Variants in TCF7L1 observed in about 807,000 individuals in gnomAD.
TCF7L1 encodes transcription factor 7 like 1, also known as transcription factor 7-like 1.
In TCF7L1, 18 loss-of-function variants were observed where a neutral mutation model predicts 63.7. That is an observed-to-expected ratio of 0.28 (90% confidence interval 0.20 to 0.42). TCF7L1 has a LOEUF of 0.42. TCF7L1 is among the 10% of genes least tolerant of loss of function. TCF7L1 has a pLI of 1.00. For synonymous variants in TCF7L1, 355 were observed against 340.9 expected (o/e 1.04, Z -0.46); for missense variants, 654 against 779.3 (o/e 0.84, Z 1.91).
chr2:85,138,793 A>C (rs528036688), intron 3 of TCF7L1, among the ~76,000 whole-genome samples: 4 of 152,322 alleles, frequency 2.6e-5, no homozygotes, highest in African/African-American at 9.6e-5. Context: ...AAACATACAC[A>C]CACACCCCCA....
intron 3 of TCF7L1, among the ~76,000 whole-genome samples, chr2:85,146,732 G>T (rs1414454771): frequency 6.6e-6 from 1 of 151,932 alleles, no homozygotes; most frequent in Non-Finnish European, 1.5e-5. Flanking sequence ...TTGATGTTCT[G>T]ACCTCAGGTG....
At chr2:85,261,838 G>GC (rs111393856) in intron 3 of TCF7L1, among the ~76,000 whole-genome samples, 314 of 152,302 alleles carry the variant, frequency 2.1e-3, no homozygotes, top group African/African-American at 7.3e-3. Flanking sequence ...CCATGTTCGT[G>GC]CCACTGCACT....
chr2:85,138,118 T>C (rs1466679489), intron 3 of TCF7L1, among the ~76,000 whole-genome samples: 3 of 152,174 alleles, frequency 2.0e-5, no homozygotes, highest in Non-Finnish European at 2.9e-5. Context: ...AGTCTGTGGT[T>C]TTTGTGTCCA....
chr2:85,202,420 T>G (rs574566671), intron 3 of TCF7L1, among the ~76,000 whole-genome samples: 30 of 152,224 alleles, frequency 2.0e-4, no homozygotes, highest in Non-Finnish European at 4.1e-4. Context: ...CTTTGTAGTA[T>G]TCTTTGAAGC....
At position 85,156,619 on chromosome 2, in the gene TCF7L1, T is replaced by C. The variant is rs183231104; in HGVS notation, c.441+22169T>C. Among the ~76,000 whole-genome samples, 209 of 152,324 alleles carry C rather than the reference T, an allele frequency of 1.4e-3. 1 individual carries two copies. Among genetic ancestry groups the C allele is most frequent in the Non-Finnish European group, 1.5e-3 (101 of 68,022 alleles). On this transcript the variant is annotated intron_variant, in intron 3 of 11. Coordinates refer to ENST00000282111, the MANE Select transcript of TCF7L1 (RefSeq NM_031283.3). ...AACCGTTTTACAGATGTAAAGAAGC[T>C]CAAAAGTCCTGTGTATGTTTGTAGT...
At chr2:85,283,352 G>T in intron 3 of TCF7L1, 143 bp from the exon 4 acceptor site, 1 of 737,768 alleles carries the variant, frequency 1.4e-6, no homozygotes, top group South Asian at 1.5e-5. Flanking sequence ...TTTGGAAATT[G>T]ACCCAGTACA....
chr2:85,186,043 T>C (rs1010011224), intron 3 of TCF7L1, among the ~76,000 whole-genome samples: 3 of 145,086 alleles, frequency 2.1e-5, no homozygotes, highest in African/African-American at 7.9e-5. Flanking sequence ...CTCGGCTCAC[T>C]GCAAGCTCTG....
At chr2:85,274,142 G>T (rs1441573538) in intron 3 of TCF7L1, among the ~76,000 whole-genome samples, 1 of 152,202 alleles carries the variant, frequency 6.6e-6, no homozygotes, top group Non-Finnish European at 1.5e-5. Context: ...TTTCCACGAA[G>T]ACACTTCCTG....
chr2:85,140,462 T>TCC (rs1195324879), intron 3 of TCF7L1, among the ~76,000 whole-genome samples: 1 of 99,872 alleles, frequency 1.0e-5, no homozygotes, highest in Non-Finnish European at 2.0e-5. Flanking sequence ...ACTTAGGGAC[T>TCC]CCCCTCCCCC....
chr2:85,282,257 G>A (rs567269171), intron 3 of TCF7L1, among the ~76,000 whole-genome samples: 2 of 152,290 alleles, frequency 1.3e-5, no homozygotes, highest in South Asian at 4.1e-4. Context: ...CAAAGTGCTG[G>A]GATTACAGGC....
chr2:85,294,247 A>G (rs1249484341), intron 4 of TCF7L1, among the ~76,000 whole-genome samples: 1 of 151,460 alleles, frequency 6.6e-6, no homozygotes, highest in Non-Finnish European at 1.5e-5. Flanking sequence ...CATGTTAGCC[A>G]GGACAGTCTC....
intron 3 of TCF7L1, among the ~76,000 whole-genome samples, chr2:85,237,688 C>T (rs1216450888): frequency 7.4e-6 from 1 of 135,526 alleles, no homozygotes; most frequent in Non-Finnish European, 1.5e-5. Flanking sequence ...AGCATCTCTT[C>T]ATTCTGCAGC....
intron 3 of TCF7L1, among the ~76,000 whole-genome samples, chr2:85,245,195 C>T (rs1341752308): frequency 1.3e-5 from 2 of 152,168 alleles, no homozygotes; most frequent in Non-Finnish European, 2.9e-5. Context: ...AGTCTCCAGA[C>T]TTGGAACCTA....
chr2:85,240,971 T>C (rs1323956112), intron 3 of TCF7L1, among the ~76,000 whole-genome samples: 1 of 152,164 alleles, frequency 6.6e-6, no homozygotes, highest in Non-Finnish European at 1.5e-5. Context: ...TTTATTTTAA[T>C]GGAAATATTA....
At chr2:85,188,408 A>G (rs1245595236) in intron 3 of TCF7L1, among the ~76,000 whole-genome samples, 5 of 152,202 alleles carry the variant, frequency 3.3e-5, no homozygotes, top group African/African-American at 1.2e-4. Flanking sequence ...AGATGCTTGG[A>G]ACCTCCCTGT....
intron 3 of TCF7L1, among the ~76,000 whole-genome samples, chr2:85,201,307 C>T (rs1261651685): frequency 1.3e-5 from 2 of 152,176 alleles, no homozygotes; most frequent in Non-Finnish European, 2.9e-5. Flanking sequence ...GTTTACATTT[C>T]TCTGACTATA....
At chr2:85,203,430 A>G (rs573966156) in intron 3 of TCF7L1, among the ~76,000 whole-genome samples, 2 of 152,282 alleles carry the variant, frequency 1.3e-5, no homozygotes, top group African/African-American at 4.8e-5. Context: ...TATACCATAG[A>G]AGAAAATATA....
chr2:85,187,983 A>G (rs1439450374), intron 3 of TCF7L1, among the ~76,000 whole-genome samples: 2 of 152,232 alleles, frequency 1.3e-5, no homozygotes, highest in Non-Finnish European at 2.9e-5. Flanking sequence ...ACATGCAACA[A>G]TATAGGCGAG....
chr2:85,201,222 C>G (rs918326991), intron 3 of TCF7L1, among the ~76,000 whole-genome samples: 4 of 151,932 alleles, frequency 2.6e-5, no homozygotes, highest in Non-Finnish European at 5.9e-5. Context: ...AAAACAAAAA[C>G]AAAAAAATTA....
Sources: allele counts gnomAD v4.1 joint callset (sites outside exome capture counted in the v4.1 genomes callset), GRCh38; gene constraint gnomAD v4.1.1; transcripts MANE v1.5; gene names NCBI Gene and HGNC (gene_info 2026-07-23, HGNC 2026-07-21).